The following RYR3 variants were observed in gnomAD, a reference collection of about 807,000 sequenced individuals.
The protein encoded by RYR3 is ryanodine receptor 3, also known as brain ryanodine receptor-calcium release channel.
A neutral mutation model predicts 584.3 loss-of-function variants in RYR3; 207 were observed. The observed-to-expected ratio is 0.35, with a 90% CI of 0.32 to 0.40. The LOEUF (loss-of-function observed/expected upper bound fraction) is 0.40. Among genes scored for constraint, RYR3 ranks in the 10% least tolerant of loss-of-function variants. The pLI is 1.00. For missense variants in RYR3, 5,616 were observed against 6,089.2 expected, an observed-to-expected ratio of 0.92 and a Z score of 2.59; for synonymous variants, 2,416 against 2,248.5, an observed-to-expected ratio of 1.07 and a Z score of -2.11.
chr15:33,524,709 A>C (rs890688612), intron 3 of RYR3, among the ~76,000 whole-genome samples: 4 of 152,236 alleles, frequency 2.6e-5, no homozygotes, highest in African/African-American at 7.2e-5. Flanking sequence ...TTGCAGATGT[A>C]AAATGATATA....
chr15:33,857,987 A>T, intron 99 of RYR3, 73 bp downstream of exon 99: 3 of 1,590,518 alleles, frequency 1.9e-6, no homozygotes, highest in Middle Eastern at 1.9e-4. Flanking sequence ...CACTGGGAAG[A>T]AGGGCTGTGT....
At chr15:33,542,068 T>C (rs1302084890) in intron 7 of RYR3, among the ~76,000 whole-genome samples, 1 of 152,206 alleles carries the variant, frequency 6.6e-6, no homozygotes, top group African/African-American at 2.4e-5. Flanking sequence ...AAGGTCCTTA[T>C]AGAAGTGTTG....
rs749846594 is a variant in RYR3, at chr15:33,636,537, C to T, written c.3543C>T (p.Tyr1181=). The change falls in exon 27 of 104, where the codon TAC becomes TAT. Residue 1181 remains tyrosine, a synonymous_variant. Coordinates refer to ENST00000634891, the MANE Select transcript of RYR3 (RefSeq NM_001036.6). ...NKGSELAFAD[Y]EIENGFVPIC... ...GCTCTGAACTTGCCTTCGCTGACTA[C>T]GAGATTGAGAATGGTAAATCTAACA... The T allele has an allele frequency of 1.4e-5, 22 of 1,592,052 alleles. No individual in the cohort carries two copies. The highest frequency in any genetic ancestry group is 1.8e-5 in the Admixed American group (1 of 56,848).
chr15:33,663,755 G>A lies in RYR3; in HGVS notation c.5619+18G>A, dbSNP rs1281746844. On this transcript the variant is annotated intron_variant, in intron 36 of 103. Transcript: ENST00000634891. ...AGGAGCAGGTGAGGGTCCTTCCTGA[G>A]CCTCTGTCCAGTTCCTATGGAAGAA... is the stretch of plus-strand genomic sequence containing the variant. 1 of 1,585,758 alleles carries A rather than the reference G, an allele frequency of 6.3e-7. No homozygotes were observed. Among genetic ancestry groups the A allele is most frequent in the Admixed American group, 1.8e-5 (1 of 56,200 alleles).
In RYR3 at chr15:33,838,701, T is replaced by G. The variant is rs1336467521; in HGVS notation, c.12721T>G (p.Phe4241Val). 3.1e-6 allele frequency: 5 copies of G among 1,613,686 alleles called. No individual in the cohort carries two copies. The African/African-American group carries it at 5.3e-5, about 17-fold the overall frequency. The change falls in exon 89 of 104, where the codon TTT becomes GTT. Residue 4241 changes from phenylalanine to valine, a missense_variant. Around this residue, in one of 9 missense-constraint regions of RYR3, gnomAD observed 918 missense variants for 887.4 expected, o/e 1.03. Coordinates refer to ENST00000634891, the MANE Select transcript of RYR3 (RefSeq NM_001036.6). Reference protein sequence around the residue: ...ILGDMPDPTQFGIHDDTMEAE... With the variant: ...ILGDMPDPTQVGIHDDTMEAE... Reference sequence around the variant, plus strand: ...GGGTGACATGCCTGACCCAACCCAATTTGGTATCCATGATGACACTATGGA... The same window carrying G: ...GGGTGACATGCCTGACCCAACCCAAGTTGGTATCCATGATGACACTATGGA...
intron 1 of RYR3, among the ~76,000 whole-genome samples, chr15:33,324,897 T>C (rs11852558): frequency 0.048 from 7,301 of 152,280 alleles, 237 homozygotes; most frequent in African/African-American, 0.092. Flanking sequence ...CAGTTTCTGA[T>C]CTCAGTGGCT....
Position 33,826,269 on chromosome 15 carries a change from G to A in RYR3, c.11164G>A (p.Gly3722Ser). 6.2e-7 allele frequency: 1 copy of A among 1,613,796 alleles called. No homozygotes were observed. The highest frequency in any genetic ancestry group is 1.1e-5 in the South Asian group (1 of 91,070). The part of the protein sequence containing the change: ...EEGTLIVRER[G>S]EKVLQNDEFT... The stretch of plus-strand genomic sequence containing the variant: ...ATTACCAGTCATTGTTCGGGAACGT[G>A]GTAAGTTTCAGTTTCTGGCCTGAGT... Residue 3722 changes from glycine to serine, a missense_variant and splice_region_variant, in exon 83 of 104, where the codon GGT becomes AGT. Gly to Ser is a moderately conservative substitution (Grantham distance 56, BLOSUM62 0). Around this residue, in one of 9 missense-constraint regions of RYR3, gnomAD observed 954 missense variants for 1,132.2 expected, o/e 0.84. Coordinates refer to ENST00000634891, the MANE Select transcript of RYR3 (RefSeq NM_001036.6).
chr15:33,571,627 TTA>T (rs1297135960), intron 12 of RYR3, among the ~76,000 whole-genome samples: 1 of 152,214 alleles, frequency 6.6e-6, no homozygotes, highest in East Asian at 1.9e-4. Flanking sequence ...AATGTGCAGA[TTA>T]TGTTTTTTGT....
intron 2 of RYR3, among the ~76,000 whole-genome samples, chr15:33,475,974 G>A (rs529791766): frequency 3.9e-5 from 6 of 152,170 alleles, no homozygotes; most frequent in African/African-American, 1.4e-4. Flanking sequence ...TATATATAAA[G>A]CACATAATAC....
chr15:33,473,236 G>T, intron 1 of RYR3, 183 bp from the exon 2 acceptor site: 2 of 770,452 alleles, frequency 2.6e-6, no homozygotes, highest in Non-Finnish European at 4.6e-6. Flanking sequence ...CTGACTCACG[G>T]TAGATGCTCC....
intron 1 of RYR3, among the ~76,000 whole-genome samples, chr15:33,351,998 T>C (rs1489190714): frequency 6.6e-6 from 1 of 152,160 alleles, no homozygotes; most frequent in East Asian, 1.9e-4. Flanking sequence ...TGATTGTATA[T>C]CTAGAAAACC....
chr15:33,799,114 A>C (rs2075780309), intron 67 of RYR3, among the ~76,000 whole-genome samples: 1 of 152,152 alleles, frequency 6.6e-6, no homozygotes, highest in African/African-American at 2.4e-5. Context: ...GATATAATAA[A>C]TATGTATTTG....
chr15:33,365,429 C>A (rs1424229567), intron 1 of RYR3, among the ~76,000 whole-genome samples: 1 of 152,060 alleles, frequency 6.6e-6, no homozygotes, highest in African/African-American at 2.4e-5. Context: ...AAGTCATTTC[C>A]AGATTTAAAA....
intron 36 of RYR3, among the ~76,000 whole-genome samples, chr15:33,665,090 G>A (rs755845931): frequency 2.6e-5 from 4 of 152,192 alleles, no homozygotes; most frequent in Admixed American, 6.5e-5. Context: ...AATGTTGTCA[G>A]GCTGCTTTTA....
chr15:33,698,757 T>G (rs527416842), intron 40 of RYR3, among the ~76,000 whole-genome samples: 4 of 152,098 alleles, frequency 2.6e-5, no homozygotes, highest in African/African-American at 9.6e-5. Flanking sequence ...GAAAGTGAAA[T>G]CTCTCCAGAA....
chr15:33,700,851 GTCATGTAAGCCAGGTT>G, intron 41 of RYR3, 110 bp from the exon 42 acceptor site: 3 of 603,486 alleles, frequency 5.0e-6, no homozygotes, highest in Non-Finnish European at 3.0e-6. Context: ...TTGGAGAACG[GTCATGTAAGCCAGGTT>G]TCAGTGTGTT....
chr15:33,608,014 G>A (rs963511296), intron 18 of RYR3, among the ~76,000 whole-genome samples: 3 of 152,216 alleles, frequency 2.0e-5, no homozygotes, highest in African/African-American at 7.2e-5. Flanking sequence ...CAGAACTAGA[G>A]CCCAGGCAGT....
At chr15:33,664,231 C>A (rs182652229) in intron 36 of RYR3, among the ~76,000 whole-genome samples, 1 of 152,262 alleles carries the variant, frequency 6.6e-6, no homozygotes, top group African/African-American at 2.4e-5. Flanking sequence ...CTCCCCAGCT[C>A]CATGGAGCCT....
chr15:33,662,667 C>G lies in RYR3; in HGVS notation c.5137C>G (p.Pro1713Ala). ...VQCSGAHIRD[P>A]VGGSVEFQFV... ...GTGCAGCGGGGCCCACATCCGAGAC[C>G]CTGTAGGGGGGTCTGTGGAGTTCCA... The change falls in exon 35 of 104, where the codon CCT (proline) becomes GCT (alanine). Residue 1713 changes from proline (P) to alanine (A), a missense_variant. Pro to Ala is a conservative substitution (Grantham distance 27). Around this residue, in one of 9 missense-constraint regions of RYR3, gnomAD observed 753 missense variants for 741.0 expected, o/e 1.02. Coordinates refer to ENST00000634891, the MANE Select transcript of RYR3 (RefSeq NM_001036.6). 6.2e-7 allele frequency: 1 copy of G among 1,614,106 alleles called. No homozygotes were observed. Among genetic ancestry groups the G allele is most frequent in the Non-Finnish European group, 8.5e-7 (1 of 1,179,990 alleles).
Sources: allele counts gnomAD v4.1 joint callset (sites outside exome capture counted in the v4.1 genomes callset), GRCh38; gene constraint gnomAD v4.1.1; regional missense constraint gnomAD v4.1.1; transcripts MANE v1.5; gene names NCBI Gene and HGNC (gene_info 2026-07-23, HGNC 2026-07-21).